RBFOX1: variants seen among roughly 807,000 people sequenced by gnomAD.
RBFOX1 encodes RNA binding fox-1 homolog 1.
RBFOX1 carries 8 observed loss-of-function variants against 57.7 expected under a neutral mutation model. The ratio of observed to expected loss-of-function variants is 0.14; its 90% CI spans 0.08 to 0.25. RBFOX1 has a LOEUF of 0.25. RBFOX1 is among the 10% of genes least tolerant of loss of function. The pLI, the probability that RBFOX1 is intolerant of heterozygous loss-of-function variation, is 1.00. For synonymous variants in RBFOX1, 326 were observed against 222.4 expected (o/e 1.47, Z -4.15); for missense variants, 611 against 548.5 (o/e 1.11, Z -1.14).
rs576708984 is a variant in RBFOX1 at position 7,026,416 on chromosome 16, G to A, written c.-15-25641G>A. 9.2e-5 allele frequency among the ~76,000 whole-genome samples: 14 copies of A among 152,258 alleles called. No homozygotes were observed. The East Asian group carries it at 1.9e-3, about 21-fold the overall frequency. ...AATTAAGTGGGTAAAGAACAGTTGAGGGCAGCACTTACATTTCTGAATATT... is the reference window on the plus strand; with the variant it reads ...AATTAAGTGGGTAAAGAACAGTTGAAGGCAGCACTTACATTTCTGAATATT... On this transcript the variant is annotated intron_variant, in intron 3 of 15. Coordinates refer to ENST00000550418, the MANE Select transcript of RBFOX1 (RefSeq NM_018723.4).
intron 11 of RBFOX1, among the ~76,000 whole-genome samples, chr16:7,649,209 T>C (rs2064410301): frequency 1.3e-5 from 2 of 152,160 alleles, no homozygotes; most frequent in Non-Finnish European, 2.9e-5. Flanking sequence ...TACTTGTTTA[T>C]ATAGGATAAA....
chr16:7,415,259 C>G (rs896586415), intron 4 of RBFOX1, among the ~76,000 whole-genome samples: 3 of 152,180 alleles, frequency 2.0e-5, no homozygotes, highest in East Asian at 1.9e-4. Flanking sequence ...GATGATGCAT[C>G]TGATATGCAT....
intron 4 of RBFOX1, among the ~76,000 whole-genome samples, chr16:7,360,255 C>G (rs2097296240): frequency 6.6e-6 from 1 of 151,824 alleles, no homozygotes; most frequent in African/African-American, 2.4e-5. Context: ...CCATTTTTTC[C>G]CAATAGCCTA....
intron 2 of RBFOX1, among the ~76,000 whole-genome samples, chr16:6,468,561 A>G (rs2095103633): frequency 6.6e-6 from 1 of 152,150 alleles, no homozygotes; most frequent in African/African-American, 2.4e-5. Flanking sequence ...CAAAATTCTA[A>G]AGGGAAATTA....
chr16:6,063,464 GAC>G (rs772720519), intron 1 of RBFOX1, among the ~76,000 whole-genome samples: 1,407 of 86,448 alleles, frequency 0.016, 14 homozygotes, highest in African/African-American at 0.047. Flanking sequence ...CTCTTTCTCC[GAC>G]ACACACACAC....
intron 4 of RBFOX1, among the ~76,000 whole-genome samples, chr16:7,515,913 C>A (rs929192309): frequency 6.6e-6 from 1 of 152,096 alleles, no homozygotes; most frequent in South Asian, 2.1e-4. Flanking sequence ...GGTGCACTCT[C>A]AGCTCACTGC....
At chr16:5,843,118 C>T (rs147113247) in intron 3 of RBFOX1, among the ~76,000 whole-genome samples, 83 of 152,290 alleles carry the variant, frequency 5.5e-4, no homozygotes, top group Middle Eastern at 3.4e-3. Flanking sequence ...TGAGCCACCA[C>T]GCCAGGCCTA....
chr16:5,591,393 A>T (rs892448650), intron 2 of RBFOX1, among the ~76,000 whole-genome samples: 3 of 151,938 alleles, frequency 2.0e-5, no homozygotes, highest in African/African-American at 7.3e-5. Flanking sequence ...CTGGGACTAC[A>T]GGCACCCACC....
intron 4 of RBFOX1, among the ~76,000 whole-genome samples, chr16:5,892,686 G>C (rs570100170): frequency 2.0e-5 from 3 of 152,312 alleles, no homozygotes; most frequent in South Asian, 2.1e-4. Flanking sequence ...CGGCTTCCCA[G>C]ACGGGATTCC....
intron 4 of RBFOX1, among the ~76,000 whole-genome samples, chr16:6,009,959 G>A (rs1044623680): frequency 2.6e-5 from 4 of 152,156 alleles, no homozygotes; most frequent in African/African-American, 9.7e-5. Flanking sequence ...ATACACTGCA[G>A]TTGGACAGCC....
At chr16:7,662,167 C>G (rs1009351603) in intron 12 of RBFOX1, among the ~76,000 whole-genome samples, 1 of 152,192 alleles carries the variant, frequency 6.6e-6, no homozygotes, top group Non-Finnish European at 1.5e-5. Context: ...CCGTCATTTA[C>G]AGAAGATCAG....
At chr16:6,151,153 C>G (rs1189432975) in intron 1 of RBFOX1, among the ~76,000 whole-genome samples, 2 of 152,168 alleles carry the variant, frequency 1.3e-5, no homozygotes, top group African/African-American at 4.8e-5. Context: ...CTTTTCCTCC[C>G]TTACTCTTCC....
At chr16:7,546,230 G>A (rs541963809) in intron 5 of RBFOX1, among the ~76,000 whole-genome samples, 2 of 152,074 alleles carry the variant, frequency 1.3e-5, no homozygotes, top group East Asian at 3.9e-4. Flanking sequence ...AGGAGCCTGA[G>A]GTGGGAGAAT....
intron 3 of RBFOX1, among the ~76,000 whole-genome samples, chr16:5,823,078 A>T (rs2055912228): frequency 6.6e-6 from 1 of 152,162 alleles, no homozygotes; most frequent in Non-Finnish European, 1.5e-5. Flanking sequence ...GCTGTACCCC[A>T]TTTGGAACTT....
intron 3 of RBFOX1, among the ~76,000 whole-genome samples, chr16:5,745,578 A>G (rs918307024): frequency 1.3e-5 from 2 of 152,130 alleles, no homozygotes; most frequent in Non-Finnish European, 2.9e-5. Context: ...AAGTGTTCCT[A>G]TTTCTCCACA....
intron 3 of RBFOX1, among the ~76,000 whole-genome samples, chr16:5,866,584 T>A (rs1157442666): frequency 1.3e-5 from 2 of 152,290 alleles, no homozygotes; most frequent in East Asian, 3.9e-4. Flanking sequence ...TGTTGGGAGG[T>A]GTCTACACCA....
intron 4 of RBFOX1, among the ~76,000 whole-genome samples, chr16:7,090,210 T>A (rs1422352842): frequency 6.6e-6 from 1 of 152,132 alleles, no homozygotes; most frequent in Non-Finnish European, 1.5e-5. Context: ...AAAGTGAAAA[T>A]GAAGAGACAA....
chr16:6,552,561 T>G (rs2097012569), intron 2 of RBFOX1, among the ~76,000 whole-genome samples: 1 of 152,218 alleles, frequency 6.6e-6, no homozygotes, highest in South Asian at 2.1e-4. Context: ...GTTGTGTGCA[T>G]TGATGGCAAT....
chr16:5,463,146 G>A (rs1567548229), intron 1 of RBFOX1, among the ~76,000 whole-genome samples: 1 of 152,176 alleles, frequency 6.6e-6, no homozygotes, highest in Non-Finnish European at 1.5e-5. Context: ...ATCCCTGGTT[G>A]TACTTCCAGG....
Sources: allele counts gnomAD v4.1 joint callset (sites outside exome capture counted in the v4.1 genomes callset), GRCh38; gene constraint gnomAD v4.1.1; transcripts MANE v1.5; gene names NCBI Gene and HGNC (gene_info 2026-07-23, HGNC 2026-07-21).